Variants in KRABD5 observed in about 807,000 individuals in gnomAD.
KRABD5 encodes KRAB domain-containing protein 5.
At chr16:31,734,285 G>C in the KRABD5 span, among the ~76,000 whole-genome samples, 122,068 of 151,184 alleles carry the variant, frequency 0.81, 49,951 homozygotes, top group African/African-American at 0.93. Context: ...GGATCTCACT[G>C]TGTTACCCAG....
chr16:31,721,256 A>T, the KRABD5 span, among the ~76,000 whole-genome samples: 1 of 152,104 alleles, frequency 6.6e-6, no homozygotes, highest in East Asian at 1.9e-4. Context: ...GTCACTTTTC[A>T]TGTATGTATA....
chr16:31,728,372 A>G, the KRABD5 span, among the ~76,000 whole-genome samples: 1 of 152,012 alleles, frequency 6.6e-6, no homozygotes, highest in African/African-American at 2.4e-5. Flanking sequence ...TTTCTTGAGG[A>G]ATTGAGTTAG....
the KRABD5 span, among the ~76,000 whole-genome samples, chr16:31,750,754 A>G: frequency 2.0e-5 from 3 of 151,900 alleles, no homozygotes; most frequent in African/African-American, 7.3e-5. Flanking sequence ...AAGTTTTATC[A>G]AAAGCTTATC....
chr16:31,755,922 G>A, the KRABD5 span: 1 of 184,548 alleles, frequency 5.4e-6, no homozygotes, highest in South Asian at 9.6e-5. Context: ...ATTTGTTATG[G>A]AGGATTACTC....
At chr16:31,718,712 G>C in the KRABD5 span, among the ~76,000 whole-genome samples, 1 of 152,146 alleles carries the variant, frequency 6.6e-6, no homozygotes, top group Non-Finnish European at 1.5e-5. Context: ...AGAATCTGTG[G>C]CTCCACTGGG....
the KRABD5 span, among the ~76,000 whole-genome samples, chr16:31,753,153 G>A: frequency 2.0e-5 from 3 of 152,120 alleles, no homozygotes; most frequent in African/African-American, 7.2e-5. Context: ...TCTTCATACT[G>A]TTGTCAGGAT....
At chr16:31,717,786 C>T in the KRABD5 span, among the ~76,000 whole-genome samples, 834 of 152,302 alleles carry the variant, frequency 5.5e-3, 4 homozygotes, top group Non-Finnish European at 9.7e-3. Context: ...CCAGGCCTCA[C>T]TCTAGAGGGG....
the KRABD5 span, among the ~76,000 whole-genome samples, chr16:31,751,942 T>C: frequency 6.6e-6 from 1 of 152,224 alleles, no homozygotes; most frequent in Non-Finnish European, 1.5e-5. Flanking sequence ...CCAAAGATTT[T>C]GGTATGTGTT....
chr16:31,744,240 A>T, the KRABD5 span, among the ~76,000 whole-genome samples: 2 of 152,098 alleles, frequency 1.3e-5, no homozygotes, highest in African/African-American at 4.8e-5. Context: ...TGCTCATTCA[A>T]TATGATATTG....
chr16:31,746,481 C>T, the KRABD5 span, among the ~76,000 whole-genome samples: 1 of 152,148 alleles, frequency 6.6e-6, no homozygotes, highest in African/African-American at 2.4e-5. Context: ...TGCTGAGAGG[C>T]CTACTGTTAG....
At chr16:31,736,115 A>G in the KRABD5 span, among the ~76,000 whole-genome samples, 1 of 152,256 alleles carries the variant, frequency 6.6e-6, no homozygotes, top group African/African-American at 2.4e-5. Context: ...TCTTCTGTAT[A>G]TGGATATTCA....
At chr16:31,717,100 G>A in the KRABD5 span, among the ~76,000 whole-genome samples, 1 of 145,366 alleles carries the variant, frequency 6.9e-6, no homozygotes, top group Non-Finnish European at 1.5e-5. Flanking sequence ...GGGTTCAAGC[G>A]ATTCTCCTGC....
At chr16:31,736,868 A>G in the KRABD5 span, among the ~76,000 whole-genome samples, 1 of 152,120 alleles carries the variant, frequency 6.6e-6, no homozygotes, top group Non-Finnish European at 1.5e-5. Context: ...ATTTTCATCT[A>G]TTCACATGTA....
the KRABD5 span, chr16:31,723,473 G>T: frequency 3.1e-6 from 3 of 976,388 alleles, no homozygotes; most frequent in Admixed American, 6.3e-5. Context: ...AGACACCTGG[G>T]TTTATTTCTT....
At chr16:31,743,466 G>A in the KRABD5 span, among the ~76,000 whole-genome samples, 1 of 152,092 alleles carries the variant, frequency 6.6e-6, no homozygotes, top group Non-Finnish European at 1.5e-5. Context: ...TCTCTATTCT[G>A]TTCCATTGGT....
At chr16:31,756,661 TGGGGG>T in the KRABD5 span, 1 of 152,180 alleles carries the variant, frequency 6.6e-6, no homozygotes, top group African/African-American at 2.4e-5. Flanking sequence ...AAAGATTATA[TGGGGG>T]TATACTTAAA....
the KRABD5 span, among the ~76,000 whole-genome samples, chr16:31,749,355 G>A: frequency 6.6e-6 from 1 of 152,216 alleles, no homozygotes; most frequent in Admixed American, 6.5e-5. Flanking sequence ...GGTGGATGTT[G>A]CCCTTCCCTC....
the KRABD5 span, among the ~76,000 whole-genome samples, chr16:31,744,473 C>A: frequency 6.6e-6 from 1 of 152,206 alleles, no homozygotes; most frequent in African/African-American, 2.4e-5. Context: ...AGGGATGAAT[C>A]CAACTTGATC....
At chr16:31,748,143 A>C in the KRABD5 span, among the ~76,000 whole-genome samples, 2 of 152,222 alleles carry the variant, frequency 1.3e-5, no homozygotes, top group Non-Finnish European at 2.9e-5. Context: ...GTAAGTCTTT[A>C]ATCCATCTTG....
Sources: gnomAD v4.1 joint callset for allele counts (sites outside exome capture counted in the v4.1 genomes callset) on GRCh38, gnomAD v4.1.1 for gene constraint, MANE v1.5 for transcripts, NCBI Gene and HGNC (gene_info 2026-07-23, HGNC 2026-07-21) for gene names.